The following ARHGAP44 variants were observed in gnomAD, a reference collection of about 807,000 sequenced individuals.
The protein encoded by ARHGAP44 is Rho GTPase activating protein 44, also known as rho GTPase-activating protein 44.
ARHGAP44 carries 43 observed loss-of-function variants against 106.8 expected under a neutral mutation model. The ratio of observed to expected loss-of-function variants is 0.40; its 90% CI spans 0.32 to 0.52. The LOEUF (loss-of-function observed/expected upper bound fraction) is 0.52, where lower values mean the gene tolerates loss of function less well. ARHGAP44 is among the 20% of genes least tolerant of loss of function. The pLI is 0.48. For synonymous variants in ARHGAP44, 439 were observed against 410.3 expected (o/e 1.07, Z -0.85); for missense variants, 866 against 1,050.5 (o/e 0.82, Z 2.43).
chr17:12,944,396 G>A (rs1567700661), intron 10 of ARHGAP44, among the ~76,000 whole-genome samples, 200 bp downstream of exon 10: 1 of 152,114 alleles, frequency 6.6e-6, no homozygotes, highest in Non-Finnish European at 1.5e-5. Context: ...GACAAGAAGA[G>A]AGAATTGTGA....
chr17:12,842,412 C>CT (rs1253382293), intron 1 of ARHGAP44, among the ~76,000 whole-genome samples: 1 of 96,982 alleles, frequency 1.0e-5, no homozygotes, highest in Non-Finnish European at 1.8e-5. Flanking sequence ...GCGAGACCAT[C>CT]TCAAAAAAAA....
chr17:12,954,770 G>A (rs953733011), intron 13 of ARHGAP44, among the ~76,000 whole-genome samples: 5 of 151,686 alleles, frequency 3.3e-5, no homozygotes, highest in African/African-American at 1.2e-4. Context: ...TGCCAGAGCT[G>A]TTTTTTTTGA....
chr17:12,840,748 C>A (rs749778929), intron 1 of ARHGAP44, among the ~76,000 whole-genome samples: 1 of 152,138 alleles, frequency 6.6e-6, no homozygotes, highest in Non-Finnish European at 1.5e-5. Context: ...AGCGGAGATT[C>A]ATGTCATAGA....
intron 1 of ARHGAP44, among the ~76,000 whole-genome samples, chr17:12,838,996 T>C (rs565325298): frequency 1.2e-4 from 18 of 152,308 alleles, no homozygotes; most frequent in African/African-American, 4.3e-4. Context: ...CGTGAGGCAC[T>C]GTGCCCGGCC....
intron 13 of ARHGAP44, among the ~76,000 whole-genome samples, chr17:12,953,152 C>T (rs147878228): frequency 1.3e-5 from 2 of 152,254 alleles, no homozygotes; most frequent in East Asian, 3.9e-4. Flanking sequence ...AGCAAGTTCA[C>T]AGGAAGGAGA....
At chr17:12,901,527 G>C (rs935904286) in intron 3 of ARHGAP44, among the ~76,000 whole-genome samples, 19 of 152,246 alleles carry the variant, frequency 1.2e-4, no homozygotes, top group African/African-American at 4.3e-4. Flanking sequence ...ACCTGAAGAT[G>C]GAGAAAAATC....
At chr17:12,829,771 C>A (rs139646304) in intron 1 of ARHGAP44, among the ~76,000 whole-genome samples, 2 of 152,124 alleles carry the variant, frequency 1.3e-5, no homozygotes, top group South Asian at 2.1e-4. Flanking sequence ...CTTCATGTGG[C>A]CTTCCTTGAC....
rs76160784 is a variant in ARHGAP44 at position 12,823,603 on chromosome 17, T to C, written c.53+33712T>C. 7.1e-3 allele frequency among the ~76,000 whole-genome samples: 1,079 copies of C among 152,308 alleles called. 11 individuals carry two copies. Among genetic ancestry groups the C allele is most frequent in the African/African-American group, 0.025 (1,029 of 41,566 alleles). ...CTGGTTCTCATCTTTTCCCAAACTTTGCTGTGTTATATTATCAAGTATCTC... is the reference window on the plus strand; with the variant it reads ...CTGGTTCTCATCTTTTCCCAAACTTCGCTGTGTTATATTATCAAGTATCTC... On this transcript the variant is annotated intron_variant, in intron 1 of 20. Transcript: ENST00000379672.
intron 1 of ARHGAP44, among the ~76,000 whole-genome samples, chr17:12,851,602 G>T (rs6502205): frequency 0.34 from 51,428 of 151,966 alleles, 11,463 homozygotes; most frequent in African/African-American, 0.63. Context: ...GCCCAGCTAA[G>T]TTGGTATTTT....
chr17:12,919,427 A>C (rs11657488), intron 5 of ARHGAP44, among the ~76,000 whole-genome samples: 105,022 of 145,818 alleles, frequency 0.72, 38,682 homozygotes, highest in East Asian at 0.96. Context: ...GCTCTGTCAC[A>C]CAGGCTGGAG....
intron 18 of ARHGAP44, among the ~76,000 whole-genome samples, chr17:12,979,398 A>G (rs1446486151): frequency 6.6e-6 from 1 of 152,156 alleles, no homozygotes; most frequent in African/African-American, 2.4e-5. Context: ...CAGAGGCCAG[A>G]GCCCTCACTG....
intron 1 of ARHGAP44, among the ~76,000 whole-genome samples, chr17:12,841,594 T>TCTCTCTCTCTCTCTCACACA (rs1417307080): frequency 1.0e-4 from 13 of 126,580 alleles, no homozygotes; most frequent in South Asian, 5.4e-4. Flanking sequence ...TGTCTCTCTC[T>TCTCTCTCTCTCTCTCACACA]CACACACACA....
rs141563948 is a variant in ARHGAP44 at position 12,858,349 on chromosome 17, A to G, written c.54-36591A>G. ...CTCACTGTCACCTCAGTTACCTGGG[A>G]TGGATGATTAAGAAAGTCTGCAGAT... On this transcript the variant is annotated intron_variant, in intron 1 of 20. Coordinates refer to ENST00000379672, the MANE Select transcript of ARHGAP44 (RefSeq NM_014859.6). Among the ~76,000 whole-genome samples the G allele has an allele frequency of 2.4e-3, 361 of 152,298 alleles. 2 individuals are homozygous for G. Among genetic ancestry groups the G allele is most frequent in the Admixed American group, 6.1e-3 (94 of 15,308 alleles).
Position 12,990,013 on chromosome 17 carries a change from T to G in ARHGAP44, c.2318-19T>G. The G allele has an allele frequency of 6.3e-7, 1 of 1,593,374 alleles. No homozygotes were observed. Among genetic ancestry groups the G allele is most frequent in the Non-Finnish European group, 8.6e-7 (1 of 1,162,566 alleles). ...CGGGAAGCCTCCTTTCAACCACCTC[T>G]CTCTCTGCCGCCTTCCAGATCTTGT... is the stretch of plus-strand genomic sequence containing the variant. On this transcript the variant is annotated intron_variant, in intron 20 of 20. Transcript: ENST00000379672.
At chr17:12,886,236 ACTT>A (rs1175826682) in intron 1 of ARHGAP44, among the ~76,000 whole-genome samples, 2 of 152,108 alleles carry the variant, frequency 1.3e-5, no homozygotes, top group Admixed American at 6.5e-5. Flanking sequence ...TTGATTGACT[ACTT>A]AATTTTATAC....
chr17:12,823,593 T>C (rs990412891), intron 1 of ARHGAP44, among the ~76,000 whole-genome samples: 3 of 152,144 alleles, frequency 2.0e-5, no homozygotes, highest in African/African-American at 7.2e-5. Context: ...TCTCATCTTT[T>C]CCCAAACTTT....
Position 12,974,133 on chromosome 17 carries a change from G to T in ARHGAP44, c.1586G>T (p.Gly529Val). 1 of 1,568,448 alleles carries T rather than the reference G, an allele frequency of 6.4e-7. No individual in the cohort carries two copies. Among genetic ancestry groups the T allele is most frequent in the Non-Finnish European group, 8.6e-7 (1 of 1,156,966 alleles). ...VMDTNWVARRGSSAGRKVSCA... is the reference protein window; with the variant it reads ...VMDTNWVARRVSSAGRKVSCA... ...GACACAAACTGGGTGGCTCGAAGAG[G>T]CTCCTCGGCCGGTCGGAAAGTGTCC... Residue 529 changes from glycine to valine, a missense_variant, in exon 18 of 21, where the codon GGC (glycine) becomes GTC (valine). By Grantham distance (109) the Gly-to-Val change is moderately radical. Coordinates refer to ENST00000379672, the MANE Select transcript of ARHGAP44 (RefSeq NM_014859.6).
chr17:12,836,423 G>A (rs931846232), intron 1 of ARHGAP44, among the ~76,000 whole-genome samples: 7 of 151,882 alleles, frequency 4.6e-5, no homozygotes, highest in South Asian at 2.1e-4. Flanking sequence ...TGAGGCGGGC[G>A]GATCACCTGA....
At position 12,789,757 on chromosome 17, in the gene ARHGAP44, C is replaced by T. The variant is rs564646579; in HGVS notation, c.-82C>T. On this transcript the variant is annotated 5_prime_UTR_variant, in exon 1 of 21. Coordinates refer to ENST00000379672, the MANE Select transcript of ARHGAP44 (RefSeq NM_014859.6). The stretch of plus-strand genomic sequence containing the variant: ...CCGCCGTCGCCCGGGAGGCTCCGCG[C>T]GGGAGCCATGTAACCCTGCGGCGGG... 28 of 1,270,556 alleles carry T rather than the reference C, an allele frequency of 2.2e-5. No individual in the cohort carries two copies. In the Admixed American group the frequency reaches 3.3e-4, roughly 15 times the overall value. The allele number at this position is 1,270,556 out of a possible 1,614,324, so 78.7% of individuals were successfully genotyped here. A position where few individuals can be genotyped will look rare whatever the true frequency, so the allele number is the denominator to read the frequency against.
Sources: gnomAD v4.1 joint callset for allele counts (sites outside exome capture counted in the v4.1 genomes callset) on GRCh38, gnomAD v4.1.1 for gene constraint, MANE v1.5 for transcripts, NCBI Gene and HGNC (gene_info 2026-07-23, HGNC 2026-07-21) for gene names.